NRXN1: variants seen among roughly 807,000 people sequenced by gnomAD.
The protein encoded by NRXN1 is neurexin 1.
A neutral mutation model predicts 150.9 loss-of-function variants in NRXN1; 39 were observed. The observed-to-expected ratio is 0.26, with a 90% CI of 0.20 to 0.34. The LOEUF is 0.34. Ranked by LOEUF, NRXN1 falls within the 10% of genes least tolerant of loss-of-function variation. NRXN1 has a pLI of 1.00. For synonymous variants in NRXN1, 924 were observed against 757.0 expected (o/e 1.22, Z -3.62); for missense variants, 1,815 against 1,949.9 (o/e 0.93, Z 1.30).
chr2:50,814,498 T>C (rs1158453860), intron 5 of NRXN1, among the ~76,000 whole-genome samples: 1 of 152,086 alleles, frequency 6.6e-6, no homozygotes, highest in Non-Finnish European at 1.5e-5. Flanking sequence ...AGAAGTTGGG[T>C]AGTACCTCAT....
At chr2:50,293,437 ATGCATATCGAAGGTAGCCC>A (rs1333235636) in intron 17 of NRXN1, among the ~76,000 whole-genome samples, 8 of 152,152 alleles carry the variant, frequency 5.3e-5, no homozygotes, top group African/African-American at 1.7e-4. Flanking sequence ...GACTACACGG[ATGCATATCGAAGGTAGCCC>A]TGCATAGGGA....
chr2:50,532,563 AAC>A (rs2093146017), intron 10 of NRXN1, among the ~76,000 whole-genome samples: 27 of 152,172 alleles, frequency 1.8e-4, no homozygotes, highest in Admixed American at 1.2e-3. Flanking sequence ...GAAGGGGAGT[AAC>A]TTTAAATATT....
At chr2:50,333,395 G>A (rs574548278) in intron 17 of NRXN1, among the ~76,000 whole-genome samples, 1 of 152,264 alleles carries the variant, frequency 6.6e-6, no homozygotes, top group Non-Finnish European at 1.5e-5. Flanking sequence ...AGAAGCCACT[G>A]TGTAAACCTT....
In NRXN1 at chr2:50,295,861, G is replaced by C. The variant is rs1218246757; in HGVS notation, c.3365-58891C>G. On this transcript the variant is annotated intron_variant, in intron 17 of 22. Transcript: ENST00000401669. ...ATTCTAAATTTTTACTGCACTGAAA[G>C]ACAATTGGGAGAGAGGACAAACCAC... 7.2e-5 allele frequency among the ~76,000 whole-genome samples: 11 copies of C among 152,332 alleles called. No homozygotes were observed. In the East Asian group the frequency reaches 2.1e-3, roughly 29 times the overall value.
chr2:50,243,639 T>C (rs1016529525), intron 17 of NRXN1, among the ~76,000 whole-genome samples: 2 of 151,830 alleles, frequency 1.3e-5, no homozygotes, highest in Non-Finnish European at 2.9e-5. Flanking sequence ...AAAAGATTCT[T>C]GAACTCTTGC....
At chr2:50,951,119 G>A (rs931660489) in intron 2 of NRXN1, among the ~76,000 whole-genome samples, 9 of 152,186 alleles carry the variant, frequency 5.9e-5, no homozygotes, top group Admixed American at 5.9e-4. Context: ...ACAGCTGTTT[G>A]AAACAATGTA....
At chr2:50,438,851 T>A (rs1313612166) in intron 17 of NRXN1, among the ~76,000 whole-genome samples, 1 of 152,232 alleles carries the variant, frequency 6.6e-6, no homozygotes, top group Non-Finnish European at 1.5e-5. Context: ...ATAGAAAATA[T>A]TCTCCAAAAT....
intron 5 of NRXN1, among the ~76,000 whole-genome samples, chr2:50,743,349 A>T (rs1436735226): frequency 6.6e-6 from 1 of 152,166 alleles, no homozygotes; most frequent in East Asian, 1.9e-4. Context: ...TAATAAGAAG[A>T]TGTTAATTGA....
intron 21 of NRXN1, among the ~76,000 whole-genome samples, chr2:49,946,691 T>A (rs1206394686): frequency 2.6e-5 from 4 of 151,854 alleles, no homozygotes; most frequent in Non-Finnish European, 5.9e-5. Context: ...TCAGCTGGTC[T>A]TCAAAGAACT....
chr2:50,347,101 A>T lies in NRXN1; in HGVS notation c.3365-110131T>A, dbSNP rs193267438. On this transcript the variant is annotated intron_variant, in intron 17 of 22. Coordinates refer to ENST00000401669, the MANE Select transcript of NRXN1 (RefSeq NM_001330078.2). The surrounding 1 kb of genome is among the most constrained non-coding windows in gnomAD (Gnocchi z 4.9). ...CACCCATCCTCTCCCTCCTTCGGAC[A>T]GTCTTCTCGGGGTCCTGGAGTCCGC... 3 of 1,385,822 alleles carry T rather than the reference A, an allele frequency of 2.2e-6. No individual in the cohort carries two copies. The highest frequency in any genetic ancestry group is 2.8e-6 in the Non-Finnish European group (3 of 1,053,538). 85.8% of individuals were successfully genotyped at this position (1,385,822 alleles called of 1,614,324 possible).
At chr2:50,372,319 A>G (rs991189531) in intron 17 of NRXN1, among the ~76,000 whole-genome samples, 1 of 152,136 alleles carries the variant, frequency 6.6e-6, no homozygotes, top group South Asian at 2.1e-4. Flanking sequence ...AAATCATGGT[A>G]TTTTACGGTC....
intron 17 of NRXN1, among the ~76,000 whole-genome samples, chr2:50,275,234 A>C (rs1014812131): frequency 1.3e-5 from 2 of 152,182 alleles, no homozygotes; most frequent in Non-Finnish European, 2.9e-5. Flanking sequence ...GTCACAGAAT[A>C]AACCAAGTCT....
At chr2:50,066,381 A>G (rs1048889195) in intron 19 of NRXN1, among the ~76,000 whole-genome samples, 7 of 152,224 alleles carry the variant, frequency 4.6e-5, no homozygotes, top group Admixed American at 4.6e-4. Context: ...TAAGTACGCA[A>G]TTAACCACCA....
chr2:50,954,570 C>A (rs890307747), intron 2 of NRXN1, among the ~76,000 whole-genome samples: 1 of 152,124 alleles, frequency 6.6e-6, no homozygotes, highest in Non-Finnish European at 1.5e-5. Flanking sequence ...GGGAAAGAAA[C>A]CTGAATGGGT....
intron 17 of NRXN1, among the ~76,000 whole-genome samples, chr2:50,308,812 G>C (rs1056948505): frequency 1.3e-5 from 2 of 152,188 alleles, no homozygotes; most frequent in Non-Finnish European, 2.9e-5. Flanking sequence ...CAGGGAGTCA[G>C]ACAGATTTGG....
intron 8 of NRXN1, among the ~76,000 whole-genome samples, chr2:50,564,873 G>C (rs563590891): frequency 7.2e-5 from 11 of 152,130 alleles, no homozygotes; most frequent in Non-Finnish European, 1.6e-4. Flanking sequence ...CCTTTTGCCA[G>C]GGGTTGCTTA....
At chr2:50,745,300 C>CG (rs1554039477) in intron 5 of NRXN1, among the ~76,000 whole-genome samples, 1 of 31,758 alleles carries the variant, frequency 3.1e-5, no homozygotes, top group African/African-American at 1.2e-4. Context: ...TTTATATCTG[C>CG]CCCCCCCCAG....
chr2:50,413,843 T>C (rs1406420900), intron 17 of NRXN1, among the ~76,000 whole-genome samples: 1 of 152,048 alleles, frequency 6.6e-6, no homozygotes, highest in Non-Finnish European at 1.5e-5. Context: ...TGGACTACTG[T>C]TCAGACATAA....
chr2:50,888,199 ATT>A (rs1360899038), intron 5 of NRXN1, among the ~76,000 whole-genome samples: 1 of 151,636 alleles, frequency 6.6e-6, no homozygotes, highest in African/African-American at 2.4e-5. Context: ...AACCCCAAAC[ATT>A]AAAACAACAA....
Sources: gnomAD v4.1 joint callset for allele counts (sites outside exome capture counted in the v4.1 genomes callset) on GRCh38, gnomAD v4.1.1 for gene constraint, Gnocchi (gnomAD v3.1) non-coding constraint, MANE v1.5 for transcripts, NCBI Gene and HGNC (gene_info 2026-07-23, HGNC 2026-07-21) for gene names.